The following PDHX variants were observed in gnomAD, a reference collection of about 807,000 sequenced individuals.
PDHX encodes pyruvate dehydrogenase protein X component, mitochondrial.
PDHX carries 33 observed loss-of-function variants against 55.3 expected under a neutral mutation model. That is an observed-to-expected ratio of 0.60 (90% CI 0.45 to 0.80). The LOEUF is 0.80. PDHX is among the 30% of genes least tolerant of loss of function. The probability of loss-of-function intolerance (pLI) is 0.00; values close to 1 mark genes in which losing one functional copy is unlikely to be tolerated. For missense variants in PDHX, 622 were observed against 619.9 expected, an observed-to-expected ratio of 1.00 and a Z score of -0.04; for synonymous variants, 226 against 219.4, an observed-to-expected ratio of 1.03 and a Z score of -0.27.
intron 2 of PDHX, among the ~76,000 whole-genome samples, chr11:34,932,890 C>T (rs1003165618): frequency 1.3e-5 from 2 of 151,874 alleles, no homozygotes; most frequent in Non-Finnish European, 2.9e-5. Flanking sequence ...TGTATCTACA[C>T]CTGTAAAAAG....
Position 34,984,722 on chromosome 11 carries a change from T to C in PDHX, c.1176T>C (p.Ser392=), listed in dbSNP as rs1195322367. ...AAGGTATCCAGGAAATTGCTGACTC[T>C]GTAAAGGTATGTCTTAAGAAAGAGT... The part of the protein sequence containing the change: ...AAKGIQEIAD[S]VKALSKKARD... The change falls in exon 9 of 11, where the codon TCT becomes TCC. Residue 392 remains serine, a synonymous_variant. Coordinates refer to ENST00000227868, the MANE Select transcript of PDHX (RefSeq NM_003477.3). The C allele has an allele frequency of 6.2e-7, 1 of 1,613,740 alleles. No individual in the cohort carries two copies. The highest frequency in any genetic ancestry group is 2.2e-5 in the East Asian group (1 of 44,862).
intron 7 of PDHX, among the ~76,000 whole-genome samples, chr11:34,975,570 A>G (rs1855349771): frequency 1.3e-5 from 2 of 152,116 alleles, no homozygotes; most frequent in African/African-American, 4.8e-5. Context: ...CTGGATTTCC[A>G]ATTGAATGTT....
intron 9 of PDHX, among the ~76,000 whole-genome samples, chr11:34,988,501 A>G (rs1437172658): frequency 6.6e-6 from 1 of 151,608 alleles, no homozygotes; most frequent in Non-Finnish European, 1.5e-5. Flanking sequence ...TTACATAACT[A>G]CTGTATGACT....
chr11:34,986,526 T>A (rs1248792750), intron 9 of PDHX, among the ~76,000 whole-genome samples: 5 of 152,188 alleles, frequency 3.3e-5, no homozygotes, highest in African/African-American at 1.2e-4. Context: ...GTTATGGAAC[T>A]TTATTGTAGA....
intron 1 of PDHX, among the ~76,000 whole-genome samples, chr11:34,920,601 G>A (rs56204451): frequency 0.012 from 1,855 of 152,274 alleles, 31 homozygotes; most frequent in African/African-American, 0.043. Context: ...TAAATCCTAT[G>A]TGGTGACAAT....
rs755220089 is a variant in PDHX at position 34,968,680 on chromosome 11, A to G, written c.817-1459A>G. On this transcript the variant is annotated intron_variant, in intron 6 of 10. Transcript: ENST00000227868. Reference sequence around the variant, plus strand: ...ATAGAAATAATTGAATTGCCTGTATAGAAGGTCCCTAATCTTCTAATGTCC... The same window carrying G: ...ATAGAAATAATTGAATTGCCTGTATGGAAGGTCCCTAATCTTCTAATGTCC... 4.6e-5 allele frequency among the ~76,000 whole-genome samples: 7 copies of G among 152,248 alleles called. No homozygotes were observed. In the South Asian group the frequency reaches 1.2e-3, roughly 27 times the overall value.
chr11:34,934,442 G>A (rs912109676), intron 2 of PDHX, among the ~76,000 whole-genome samples: 1 of 152,056 alleles, frequency 6.6e-6, no homozygotes, highest in African/African-American at 2.4e-5. Context: ...GGAGGAAGGT[G>A]GGGGAACCTA....
chr11:34,926,817 G>A (rs781528266), intron 1 of PDHX, among the ~76,000 whole-genome samples: 1 of 152,060 alleles, frequency 6.6e-6, no homozygotes, highest in Non-Finnish European at 1.5e-5. Flanking sequence ...AATTAGATTA[G>A]TGTACCATAT....
At chr11:34,970,558 C>T (rs1243430619) in intron 7 of PDHX, among the ~76,000 whole-genome samples, 1 of 152,138 alleles carries the variant, frequency 6.6e-6, no homozygotes, top group Admixed American at 6.5e-5. Context: ...TTTATTTCCT[C>T]TTTGTCATAT....
rs752635475 is a variant in PDHX, at chr11:34,947,599, AAATC to A, written c.336_339del (p.Ile113TrpfsTer11). On this transcript the variant is annotated frameshift_variant, in exon 3 of 11. Coordinates refer to ENST00000227868, the MANE Select transcript of PDHX (RefSeq NM_003477.3). LOFTEE classifies it high-confidence loss of function. Reference sequence around the variant, plus strand: ...GCAAGTGATGATGGAATCTTGGCCAAAATCGTGGTAAGTTTTTATTTTAATTTTC... The same window carrying A: ...GCAAGTGATGATGGAATCTTGGCCAAGTGGTAAGTTTTTATTTTAATTTTC... 5 of 1,600,922 alleles carry A rather than the reference AAATC, an allele frequency of 3.1e-6. No individual in the cohort carries two copies.
chr11:34,963,355 T>G (rs142385106), intron 5 of PDHX, among the ~76,000 whole-genome samples: 1 of 152,304 alleles, frequency 6.6e-6, no homozygotes, highest in Admixed American at 6.5e-5. Flanking sequence ...CATAGCTCAC[T>G]GCAGCTTTGA....
chr11:34,970,263 A>G lies in PDHX; in HGVS notation c.941A>G (p.Lys314Arg). The change falls in exon 7 of 11, where the codon AAA becomes AGA. Residue 314 changes from lysine (K) to arginine (R), a missense_variant. Transcript: ENST00000227868. ...GACTGTGACCTTGGAGCTGTTTTAA[A>G]AGTTAGGCAAGATCTGGTCAAAGGT... is the stretch of plus-strand genomic sequence containing the variant. ...TADCDLGAVL[K>R]VRQDLVKDDI... 1 of 1,613,854 alleles carries G rather than the reference A, an allele frequency of 6.2e-7. No individual in the cohort carries two copies. The highest frequency in any genetic ancestry group is 8.5e-7 in the Non-Finnish European group (1 of 1,179,784).
intron 2 of PDHX, among the ~76,000 whole-genome samples, chr11:34,943,989 C>A (rs913630886): frequency 6.6e-6 from 1 of 151,558 alleles, no homozygotes; most frequent in Non-Finnish European, 1.5e-5. Flanking sequence ...AATCTTAAAT[C>A]TTTGCTGTTA....
intron 9 of PDHX, among the ~76,000 whole-genome samples, chr11:34,987,566 G>A (rs1259275732): frequency 6.6e-6 from 1 of 151,902 alleles, no homozygotes; most frequent in African/African-American, 2.4e-5. Flanking sequence ...TTGTTGAAGT[G>A]GTTTATCTTG....
intron 4 of PDHX, among the ~76,000 whole-genome samples, chr11:34,958,856 C>T (rs1343151841): frequency 6.6e-6 from 1 of 152,118 alleles, no homozygotes; most frequent in Non-Finnish European, 1.5e-5. Flanking sequence ...GTGAACTCTG[C>T]ATACTGTTGG....
At chr11:34,920,997 G>A (rs1181517101) in intron 1 of PDHX, among the ~76,000 whole-genome samples, 2 of 152,204 alleles carry the variant, frequency 1.3e-5, no homozygotes, top group Non-Finnish European at 2.9e-5. Context: ...TTCTTTGATA[G>A]AGTTAATGGT....
chr11:34,951,415 G>A (rs1276075724), intron 3 of PDHX, among the ~76,000 whole-genome samples: 1 of 152,110 alleles, frequency 6.6e-6, no homozygotes, highest in Non-Finnish European at 1.5e-5. Context: ...GTATCTCATT[G>A]TGGTTTTGAT....
intron 7 of PDHX, among the ~76,000 whole-genome samples, chr11:34,976,034 G>A (rs1386686867): frequency 6.6e-6 from 1 of 152,150 alleles, no homozygotes; most frequent in African/African-American, 2.4e-5. Flanking sequence ...GATCATACTT[G>A]CTTAGTCATG....
intron 2 of PDHX, among the ~76,000 whole-genome samples, chr11:34,941,677 C>T (rs2915190): frequency 0.37 from 56,659 of 152,024 alleles, 10,941 homozygotes; most frequent in East Asian, 0.74. Context: ...TTGTGAAAGC[C>T]TCAGGACTTA....
Sources: allele counts gnomAD v4.1 joint callset (sites outside exome capture counted in the v4.1 genomes callset), GRCh38; gene constraint gnomAD v4.1.1; transcripts MANE v1.5; gene names NCBI Gene and HGNC (gene_info 2026-07-23, HGNC 2026-07-21).